Variants in RPS6KC1 observed in about 807,000 individuals in gnomAD.
RPS6KC1 encodes ribosomal protein S6 kinase C1, also known as inactive ribosomal protein S6 kinase delta-1.
RPS6KC1 carries 54 observed loss-of-function variants against 103.8 expected under a neutral mutation model. The ratio of observed to expected loss-of-function variants is 0.52; its 90% CI spans 0.42 to 0.65. RPS6KC1 has a LOEUF of 0.65. Among genes scored for constraint, RPS6KC1 ranks in the 30% least tolerant of loss-of-function variants. The probability of loss-of-function intolerance (pLI) is 0.00; values close to 1 mark genes in which losing one functional copy is unlikely to be tolerated. For missense variants in RPS6KC1, 1,151 were observed against 1,253.8 expected, an observed-to-expected ratio of 0.92 and a Z score of 1.24; for synonymous variants, 439 against 438.7, an observed-to-expected ratio of 1.00 and a Z score of -0.01.
the RPS6KC1 span, among the ~76,000 whole-genome samples, chr1:213,762,353 C>T: frequency 3.5e-3 from 537 of 152,232 alleles, 12 homozygotes; most frequent in Non-Finnish European, 1.9e-3. Flanking sequence ...TTCTGTCTTC[C>T]GGAGGAAGGG....
At chr1:213,518,264 G>A in the RPS6KC1 span, among the ~76,000 whole-genome samples, 10 of 152,146 alleles carry the variant, frequency 6.6e-5, no homozygotes, top group Non-Finnish European at 1.5e-4. Context: ...CTTGGAAAAA[G>A]TCTTTGCAGA....
intron 3 of RPS6KC1, among the ~76,000 whole-genome samples, chr1:213,092,399 C>T (rs946338217): frequency 2.6e-5 from 4 of 152,142 alleles, no homozygotes; most frequent in Non-Finnish European, 4.4e-5. Flanking sequence ...GGGCCGGGCC[C>T]GGTGGCTCAT....
At chr1:213,708,732 C>A in the RPS6KC1 span, among the ~76,000 whole-genome samples, 137 of 152,226 alleles carry the variant, frequency 9.0e-4, 1 homozygote, top group African/African-American at 3.1e-3. Context: ...CCCATCAATA[C>A]CTAGTTTATT....
At chr1:213,177,479 G>A (rs2091948248) in intron 8 of RPS6KC1, among the ~76,000 whole-genome samples, 1 of 152,130 alleles carries the variant, frequency 6.6e-6, no homozygotes, top group Non-Finnish European at 1.5e-5. Flanking sequence ...TAGCAATTTA[G>A]ACAGTAAAAG....
the RPS6KC1 span, among the ~76,000 whole-genome samples, chr1:213,450,956 C>T: frequency 6.6e-6 from 1 of 151,836 alleles, no homozygotes; most frequent in African/African-American, 2.4e-5. Flanking sequence ...GCCTGGGTGA[C>T]AGAGGAGACT....
the RPS6KC1 span, among the ~76,000 whole-genome samples, chr1:213,362,665 G>T: frequency 2.0e-5 from 3 of 152,204 alleles, no homozygotes; most frequent in African/African-American, 7.2e-5. Flanking sequence ...TTAATTTTAT[G>T]TGTCAACTTG....
At chr1:213,803,302 G>A in the RPS6KC1 span, among the ~76,000 whole-genome samples, 8 of 147,536 alleles carry the variant, frequency 5.4e-5, no homozygotes, top group Admixed American at 1.4e-4. Context: ...GCTGGAGTAC[G>A]GTGGCATGAT....
chr1:213,492,579 AGT>A, the RPS6KC1 span: 1 of 152,116 alleles, frequency 6.6e-6, no homozygotes, highest in Non-Finnish European at 1.5e-5. Flanking sequence ...GAAGGAGGTA[AGT>A]GTTTTCTCTC....
chr1:213,567,625 C>T, the RPS6KC1 span, among the ~76,000 whole-genome samples: 1 of 152,336 alleles, frequency 6.6e-6, no homozygotes, highest in African/African-American at 2.4e-5. Context: ...AATCTGATCC[C>T]ATACAATACC....
intron 8 of RPS6KC1, 145 bp downstream of exon 8, chr1:213,176,637 A>G (rs1345810561): frequency 2.0e-5 from 10 of 495,658 alleles, no homozygotes; most frequent in Non-Finnish European, 3.2e-5. Context: ...ACAAAAGCAA[A>G]AGAGAAAAAG....
chr1:213,388,267 T>G, the RPS6KC1 span, among the ~76,000 whole-genome samples: 1 of 152,138 alleles, frequency 6.6e-6, no homozygotes, highest in Non-Finnish European at 1.5e-5. Flanking sequence ...ACGGGGGAAG[T>G]CATTGAACAG....
the RPS6KC1 span, among the ~76,000 whole-genome samples, chr1:213,382,262 T>A: frequency 1.3e-5 from 2 of 152,224 alleles, no homozygotes; most frequent in Non-Finnish European, 2.9e-5. Context: ...GAGATCTGGA[T>A]GCTGGTGGCA....
At chr1:213,181,821 C>T (rs1392102313) in intron 8 of RPS6KC1, among the ~76,000 whole-genome samples, 11 of 152,112 alleles carry the variant, frequency 7.2e-5, no homozygotes, top group Non-Finnish European at 1.5e-4. Context: ...CCAGCCTACC[C>T]TAAAAGAATA....
rs543265452 is a variant in RPS6KC1 at position 213,051,396 on chromosome 1, G to C, written c.-9G>C. The C allele has an allele frequency of 6.2e-7, 1 of 1,606,830 alleles. No individual in the cohort carries two copies. Among genetic ancestry groups the C allele is most frequent in the African/African-American group, 1.3e-5 (1 of 74,766 alleles). On this transcript the variant is annotated 5_prime_UTR_variant, in exon 1 of 15. Transcript: ENST00000366960. Reference sequence around the variant, plus strand: ...GGCGGGTGGCGGCGGCGGCAGAGGCGGCGGGAGGATGACCTCTTACCGGGA... The same window carrying C: ...GGCGGGTGGCGGCGGCGGCAGAGGCCGCGGGAGGATGACCTCTTACCGGGA...
intron 8 of RPS6KC1, among the ~76,000 whole-genome samples, chr1:213,215,359 C>T (rs370901354): frequency 1.3e-5 from 2 of 152,116 alleles, no homozygotes; most frequent in East Asian, 1.9e-4. Flanking sequence ...ACAAAGCCTC[C>T]AAGAAATGTG....
chr1:213,846,680 T>C, the RPS6KC1 span, among the ~76,000 whole-genome samples: 1 of 152,152 alleles, frequency 6.6e-6, no homozygotes, highest in African/African-American at 2.4e-5. Flanking sequence ...AGACTAATAT[T>C]TGGAACATAT....
the RPS6KC1 span, among the ~76,000 whole-genome samples, chr1:213,363,821 C>CT: frequency 7.7e-3 from 510 of 65,892 alleles, 91 homozygotes; most frequent in African/African-American, 0.022. Flanking sequence ...TTTCTTCTCT[C>CT]TTTTTTTTTT....
intron 3 of RPS6KC1, among the ~76,000 whole-genome samples, chr1:213,090,526 T>G (rs1372427802): frequency 6.6e-6 from 1 of 152,238 alleles, no homozygotes; most frequent in Non-Finnish European, 1.5e-5. Context: ...TGATTATACC[T>G]AGTATGGAGC....
chr1:213,306,976 G>A, the RPS6KC1 span, among the ~76,000 whole-genome samples: 1 of 152,016 alleles, frequency 6.6e-6, no homozygotes, highest in Non-Finnish European at 1.5e-5. Flanking sequence ...TGACTGTTCA[G>A]TGGCCAGTTG....
Sources: gnomAD v4.1 joint callset for allele counts (sites outside exome capture counted in the v4.1 genomes callset) on GRCh38, gnomAD v4.1.1 for gene constraint, MANE v1.5 for transcripts, NCBI Gene and HGNC (gene_info 2026-07-23, HGNC 2026-07-21) for gene names.